Variants in ADGRD1 observed in about 807,000 individuals in gnomAD.
ADGRD1 encodes G-protein coupled receptor 133.
Under a neutral mutation model 113.4 loss-of-function variants are expected in ADGRD1, and 77 were observed. The observed-to-expected ratio is 0.68, with a 90% confidence interval of 0.57 to 0.82. The LOEUF is 0.82. ADGRD1 is among the 40% of genes least tolerant of loss of function. The pLI is 0.00. For missense variants in ADGRD1, 1,036 were observed against 1,139.1 expected (o/e 0.91, Z 1.30); for synonymous variants, 474 against 475.0 (o/e 1.00, Z 0.03).
At chr12:131,045,396 G>A (rs1325537195) in intron 13 of ADGRD1, among the ~76,000 whole-genome samples, 1 of 152,208 alleles carries the variant, frequency 6.6e-6, no homozygotes, top group African/African-American at 2.4e-5. Context: ...CAGGGAGGGC[G>A]ACAGGAGGAT....
chr12:131,088,715 C>T (rs1456639593), intron 15 of ADGRD1, among the ~76,000 whole-genome samples: 2 of 152,086 alleles, frequency 1.3e-5, no homozygotes, highest in Non-Finnish European at 2.9e-5. Flanking sequence ...TGCGGTGACT[C>T]GAGAAGCGGC....
At chr12:131,016,873 A>T (rs1427915083) in intron 13 of ADGRD1, among the ~76,000 whole-genome samples, 9 of 144,842 alleles carry the variant, frequency 6.2e-5, no homozygotes, top group Non-Finnish European at 1.2e-4. Context: ...AGCCTGGGCG[A>T]TAGAGTGAGA....
intron 15 of ADGRD1, among the ~76,000 whole-genome samples, chr12:131,101,373 C>CTTTTTTTTTTTTTTTTTTTTTTTTTTTT (rs796951608): frequency 2.5e-5 from 2 of 79,352 alleles, no homozygotes; most frequent in African/African-American, 5.4e-5. Flanking sequence ...CTTTTTCTTT[C>CTTTTTTTTTTTTTTTTTTTTTTTTTTTT]TTTCTTTTTT....
intron 20 of ADGRD1, chr12:131,122,016 G>C (rs544859315): frequency 1.3e-5 from 2 of 152,492 alleles, no homozygotes; most frequent in Admixed American, 6.5e-5. Context: ...GTCGTGATCA[G>C]AGGGTGTGAC....
intron 20 of ADGRD1, among the ~76,000 whole-genome samples, chr12:131,125,282 C>T (rs1950714278): frequency 6.6e-6 from 1 of 152,158 alleles, no homozygotes; most frequent in East Asian, 1.9e-4. Context: ...AGCCACAGAG[C>T]CTAGACACCC....
In ADGRD1 at chr12:131,011,555, G is replaced by A. The variant is rs899828296; in HGVS notation, c.1332-2644G>A. Among the ~76,000 whole-genome samples, 9 of 152,216 alleles carry A rather than the reference G, an allele frequency of 5.9e-5. 1 individual carries two copies. The highest frequency in any genetic ancestry group is 4.2e-4 in the South Asian group (2 of 4,810). On this transcript the variant is annotated intron_variant, in intron 12 of 24. Coordinates refer to ENST00000261654, the MANE Select transcript of ADGRD1 (RefSeq NM_198827.5). Reference sequence around the variant, plus strand: ...AGCTGGGGAGAGCAGTGAACCAAACGGGAAAGCATCCGGGCCCCAGGGGAA... The same window carrying A: ...AGCTGGGGAGAGCAGTGAACCAAACAGGAAAGCATCCGGGCCCCAGGGGAA...
intron 12 of ADGRD1, among the ~76,000 whole-genome samples, chr12:131,007,332 T>C (rs1405463): frequency 0.3 from 45,939 of 152,134 alleles, 7,205 homozygotes; most frequent in Admixed American, 0.41. Flanking sequence ...CGTGGGGAAA[T>C]GGGGGAGTGG....
chr12:131,042,961 C>T (rs1024100514), intron 13 of ADGRD1, among the ~76,000 whole-genome samples: 4 of 152,238 alleles, frequency 2.6e-5, no homozygotes, highest in African/African-American at 4.8e-5. Flanking sequence ...TCTGCCCATG[C>T]GAGGCTGCGG....
At chr12:131,080,431 G>C (rs1566090782) in intron 14 of ADGRD1, among the ~76,000 whole-genome samples, 2 of 151,748 alleles carry the variant, frequency 1.3e-5, no homozygotes, top group Admixed American at 1.3e-4. Flanking sequence ...ATGTGCACTT[G>C]AAAAAAAGTA....
intron 4 of ADGRD1, chr12:130,977,152 T>C (rs7957472): frequency 0.83 from 126,137 of 152,318 alleles, 53,181 homozygotes; most frequent in East Asian, 0.95. Flanking sequence ...AAGGAGTGAC[T>C]GCCCCTTAAG....
chr12:131,031,447 T>C (rs1363961183), intron 13 of ADGRD1, among the ~76,000 whole-genome samples: 1 of 152,114 alleles, frequency 6.6e-6, no homozygotes, highest in Non-Finnish European at 1.5e-5. Context: ...TTTACACAGC[T>C]TGAGACATAA....
rs1434227365 is a variant in ADGRD1 at position 131,108,750 on chromosome 12, C to A, written c.1914C>A (p.Leu638=). The A allele has an allele frequency of 1.2e-6, 2 of 1,614,030 alleles. No individual in the cohort carries two copies. Among genetic ancestry groups the A allele is most frequent in the Non-Finnish European group, 1.7e-6 (2 of 1,180,022 alleles). The change falls in exon 18 of 25, where the codon CTC becomes CTA. Residue 638 remains leucine, a synonymous_variant. Coordinates refer to ENST00000261654, the MANE Select transcript of ADGRD1 (RefSeq NM_198827.5). ...GTTPCQVMAV[L]LHYFFLSAFA... Reference sequence around the variant, plus strand: ...CCCCCTGCCAAGTGATGGCCGTGCTCCTACACTACTTCTTCCTGAGTGCCT... The same window carrying A: ...CCCCCTGCCAAGTGATGGCCGTGCTACTACACTACTTCTTCCTGAGTGCCT...
chr12:131,138,351 CCT>C, intron 24 of ADGRD1, 122 bp downstream of exon 24: 1 of 737,756 alleles, frequency 1.4e-6, no homozygotes, highest in Non-Finnish European at 2.3e-6. Context: ...TCTTTGTCCC[CCT>C]CTCATGCCTG....
At chr12:131,132,856 C>A (rs1950973301) in intron 21 of ADGRD1, among the ~76,000 whole-genome samples, 1 of 152,220 alleles carries the variant, frequency 6.6e-6, no homozygotes, top group Admixed American at 6.5e-5. Context: ...GGGTACCAGG[C>A]AGCTGACATT....
At chr12:131,036,951 A>C in intron 13 of ADGRD1, among the ~76,000 whole-genome samples, 2 of 120,976 alleles carry the variant, frequency 1.7e-5, no homozygotes, top group Non-Finnish European at 3.4e-5. Flanking sequence ...ACTGGGTCTC[A>C]CTCACAGCAA....
chr12:131,002,183 T>G (rs1374977731), intron 9 of ADGRD1, among the ~76,000 whole-genome samples: 2 of 115,222 alleles, frequency 1.7e-5, no homozygotes, highest in African/African-American at 7.2e-5. Flanking sequence ...TGTGCATGAT[T>G]TTAATTAACT....
At chr12:131,136,823 CCT>C (rs1951099723) in intron 22 of ADGRD1, 148 bp from the exon 23 acceptor site, 1 of 711,416 alleles carries the variant, frequency 1.4e-6, no homozygotes, top group South Asian at 1.6e-5. Flanking sequence ...ACCCAGGACG[CCT>C]CTCCGTCCTC....
At chr12:131,069,708 T>G (rs1185575576) in intron 13 of ADGRD1, 1 of 152,308 alleles carries the variant, frequency 6.6e-6, no homozygotes, top group African/African-American at 2.4e-5. Flanking sequence ...GGGAGCACAA[T>G]GTATCAGAGT....
rs1363693722 is a variant in ADGRD1, at chr12:131,022,533, G to T, written c.1473+8193G>T. 6.6e-6 allele frequency among the ~76,000 whole-genome samples: 1 copy of T among 152,134 alleles called. No homozygotes were observed. Among genetic ancestry groups the T allele is most frequent in the Non-Finnish European group, 1.5e-5 (1 of 68,032 alleles). On this transcript the variant is annotated intron_variant, in intron 13 of 24. Transcript: ENST00000261654. This position sits in a 1 kb window ranked among gnomAD's most constrained non-coding sequence, Gnocchi z 4.6. Reference sequence around the variant, plus strand: ...TTGCTGGTGTTGCTATGACTCAGGGGTACTATTTCATCCCACAGGGCGCTG... The same window carrying T: ...TTGCTGGTGTTGCTATGACTCAGGGTTACTATTTCATCCCACAGGGCGCTG...
Sources: gnomAD v4.1 joint callset for allele counts (sites outside exome capture counted in the v4.1 genomes callset) on GRCh38, gnomAD v4.1.1 for gene constraint, Gnocchi (gnomAD v3.1) non-coding constraint, MANE v1.5 for transcripts, NCBI Gene and HGNC (gene_info 2026-07-23, HGNC 2026-07-21) for gene names.